Variants in SH3KBP1 observed in about 807,000 individuals in gnomAD.
The protein encoded by SH3KBP1 is SH3 domain-containing kinase-binding protein 1.
In SH3KBP1, 8 loss-of-function variants were observed where a neutral mutation model predicts 50.1. The ratio of observed to expected loss-of-function variants is 0.16; its 90% CI spans 0.09 to 0.29. The LOEUF (loss-of-function observed/expected upper bound fraction) is 0.29, where lower values mean the gene tolerates loss of function less well. Ranked by LOEUF, SH3KBP1 falls within the 10% of genes least tolerant of loss-of-function variation. The pLI, the probability that SH3KBP1 is intolerant of heterozygous loss-of-function variation, is 1.00. For synonymous variants in SH3KBP1, 227 were observed against 218.6 expected, an observed-to-expected ratio of 1.04 and a Z score of -0.34; for missense variants, 377 against 535.2, an observed-to-expected ratio of 0.70 and a Z score of 2.92.
intron 13 of SH3KBP1, among the ~76,000 whole-genome samples, chrX:19,564,189 A>C (rs1039639163): frequency 8.9e-6 from 1 of 112,080 alleles, no homozygotes; most frequent in South Asian, 3.7e-4. Context: ...AATTTGTATG[A>C]GAAACCCTTA....
chrX:19,629,522 G>A (rs1468051335), intron 8 of SH3KBP1, among the ~76,000 whole-genome samples: 1 of 111,349 alleles, frequency 9.0e-6, no homozygotes, highest in Non-Finnish European at 1.9e-5. Context: ...GCTATGGTGG[G>A]TGATAGAGAA....
chrX:19,661,080 C>G (rs748471027), intron 6 of SH3KBP1, among the ~76,000 whole-genome samples: 2 of 113,153 alleles, frequency 1.8e-5, no homozygotes, highest in Non-Finnish European at 3.7e-5. Context: ...GAAGGGAGAA[C>G]TGGAATCCTG....
intron 9 of SH3KBP1, among the ~76,000 whole-genome samples, chrX:19,605,656 G>A (rs1176109329): frequency 9.0e-6 from 1 of 111,633 alleles, no homozygotes; most frequent in Non-Finnish European, 1.9e-5. Context: ...GGTCTCCATG[G>A]CCCTAAACGC....
intron 10 of SH3KBP1, 112 bp from the exon 11 acceptor site, chrX:19,592,259 C>CTGAG (rs1491189506): frequency 4.9e-6 from 3 of 616,005 alleles, no homozygotes; most frequent in Non-Finnish European, 7.7e-6. Context: ...ATTTTTTCCC[C>CTGAG]TGAGTTGGGC....
At chrX:19,679,414 GTAT>G (rs1199701315) in intron 6 of SH3KBP1, among the ~76,000 whole-genome samples, 3 of 111,291 alleles carry the variant, frequency 2.7e-5, no homozygotes, top group Admixed American at 1.9e-4. Context: ...GTAAAAAAAA[GTAT>G]TCCCATTTTA....
At chrX:19,665,623 A>G (rs911100188) in intron 6 of SH3KBP1, among the ~76,000 whole-genome samples, 5 of 112,033 alleles carry the variant, frequency 4.5e-5, no homozygotes, top group Non-Finnish European at 1.9e-5. Context: ...TCTAGCCTCC[A>G]ACATTAAGAG....
At position 19,809,265 on chromosome X, in the gene SH3KBP1, C is replaced by T. The variant is rs985511464; in HGVS notation, c.162+26860G>A. 4.5e-5 allele frequency among the ~76,000 whole-genome samples: 5 copies of T among 111,945 alleles called. No homozygotes were observed. The Admixed American group carries it at 4.7e-4, about 11-fold the overall frequency. On this transcript the variant is annotated intron_variant, in intron 2 of 17. Transcript: ENST00000397821. ...TATCAGCCAGGCACGGTAGCTCACG[C>T]CTGTAATCCCCACACTTTGGGAGGC...
intron 2 of SH3KBP1, among the ~76,000 whole-genome samples, chrX:19,758,002 A>T (rs191137989): frequency 9.0e-6 from 1 of 110,688 alleles, no homozygotes; most frequent in Admixed American, 9.7e-5. Context: ...CCAATAATCA[A>T]TGTTTTTTTT....
chrX:19,675,251 A>T (rs920677185), intron 6 of SH3KBP1, among the ~76,000 whole-genome samples: 1 of 111,031 alleles, frequency 9.0e-6, no homozygotes, highest in Admixed American at 9.6e-5. Flanking sequence ...CATGTTACTT[A>T]ATCCTCACAA....
intron 13 of SH3KBP1, among the ~76,000 whole-genome samples, chrX:19,558,578 A>C (rs1245205101): frequency 8.9e-6 from 1 of 111,877 alleles, no homozygotes; most frequent in Non-Finnish European, 1.9e-5. Flanking sequence ...TTTCCTCCTT[A>C]AATTCATATT....
At chrX:19,858,153 T>C (rs1352665127) in intron 1 of SH3KBP1, among the ~76,000 whole-genome samples, 2 of 110,615 alleles carry the variant, frequency 1.8e-5, no homozygotes, top group Admixed American at 9.6e-5. Flanking sequence ...CACTCCAGGA[T>C]AGTTGACAGA....
At chrX:19,545,631 G>T (rs2065061034) in intron 15 of SH3KBP1, among the ~76,000 whole-genome samples, 1 of 111,957 alleles carries the variant, frequency 8.9e-6, no homozygotes, top group African/African-American at 3.3e-5. Flanking sequence ...TCTGGTTGTG[G>T]TGATGGTGGT....
intron 8 of SH3KBP1, among the ~76,000 whole-genome samples, chrX:19,610,953 C>T (rs1243481182): frequency 2.7e-5 from 3 of 111,522 alleles, no homozygotes; most frequent in Non-Finnish European, 3.8e-5. Context: ...GGCATGATCT[C>T]GGCTCACTGC....
intron 4 of SH3KBP1, among the ~76,000 whole-genome samples, chrX:19,696,443 T>A (rs1445661755): frequency 8.9e-6 from 1 of 112,111 alleles, no homozygotes; most frequent in East Asian, 2.8e-4. Flanking sequence ...AAGAGCTTCC[T>A]GTACATTTCT....
Position 19,887,523 on chromosome X carries a change from C to T in SH3KBP1, c.-213G>A. Reference sequence around the variant, plus strand: ...TGCTGCCGCTGCTGCCCCGGGGCGACTCCTGCTGCTGCTGTTGCATCGCGG... The same window carrying T: ...TGCTGCCGCTGCTGCCCCGGGGCGATTCCTGCTGCTGCTGTTGCATCGCGG... On this transcript the variant is annotated 5_prime_UTR_variant, in exon 1 of 18. Coordinates refer to ENST00000397821, the MANE Select transcript of SH3KBP1 (RefSeq NM_031892.3). 4.9e-6 allele frequency: 1 copy of T among 202,236 alleles called. No homozygotes were observed. Among genetic ancestry groups the T allele is most frequent in the South Asian group, 2.6e-4 (1 of 3,914 alleles). 16.7% of individuals were successfully genotyped at this position (202,236 alleles called of 1,213,427 possible). A position where few individuals can be genotyped will look rare whatever the true frequency, so the allele number is the denominator to read the frequency against.
chrX:19,570,350 A>G (rs2065970696), intron 12 of SH3KBP1, among the ~76,000 whole-genome samples: 1 of 111,925 alleles, frequency 8.9e-6, no homozygotes, highest in African/African-American at 3.3e-5. Flanking sequence ...AAAGGGAGAG[A>G]GGACATATTC....
intron 13 of SH3KBP1, among the ~76,000 whole-genome samples, chrX:19,567,557 A>AATATATATATATATAT (rs1555990522): frequency 1.7e-4 from 6 of 35,085 alleles, no homozygotes; most frequent in African/African-American, 1.0e-3. Context: ...AAAAAAAAAA[A>AATATATATATATATAT]ATATATATAT....
chrX:19,856,726 A>T (rs2147498183), intron 1 of SH3KBP1, among the ~76,000 whole-genome samples: 1 of 110,618 alleles, frequency 9.0e-6, no homozygotes, highest in South Asian at 3.8e-4. Flanking sequence ...AACCCCACCA[A>T]CACCTTGATC....
chrX:19,732,776 C>CT (rs1257446601), intron 3 of SH3KBP1, among the ~76,000 whole-genome samples: 5 of 111,737 alleles, frequency 4.5e-5, no homozygotes, highest in Non-Finnish European at 7.5e-5. Flanking sequence ...AAAAGAGGAA[C>CT]TTTTTTTAAT....
Sources: gnomAD v4.1 joint callset for allele counts (sites outside exome capture counted in the v4.1 genomes callset) on GRCh38, gnomAD v4.1.1 for gene constraint, MANE v1.5 for transcripts, NCBI Gene and HGNC (gene_info 2026-07-23, HGNC 2026-07-21) for gene names.